CNTN6: variants seen among roughly 807,000 people sequenced by gnomAD.
The protein encoded by CNTN6 is contactin-6.
In CNTN6, 137 loss-of-function variants were observed where a neutral mutation model predicts 122.8. The ratio of observed to expected loss-of-function variants is 1.12; its 90% CI spans 0.97 to 1.29. CNTN6 has a LOEUF of 1.29. CNTN6 is among the 50% of genes most tolerant of loss of function. The pLI, the probability that CNTN6 is intolerant of heterozygous loss-of-function variation, is 0.00. For synonymous variants in CNTN6, 570 were observed against 426.0 expected (o/e 1.34, Z -4.16); for missense variants, 1,634 against 1,223.4 (o/e 1.34, Z -5.01).
Position 1,106,103 on chromosome 3 carries a change from T to C in CNTN6, c.-83+12983T>C, listed in dbSNP as rs2091206640. Among the ~76,000 whole-genome samples, 3 of 152,000 alleles carry C rather than the reference T, an allele frequency of 2.0e-5. No homozygotes were observed. The South Asian group carries it at 6.2e-4, about 32-fold the overall frequency. On this transcript the variant is annotated intron_variant, in intron 1 of 22. Coordinates refer to ENST00000446702, the MANE Select transcript of CNTN6 (RefSeq NM_001289080.2). ...ATCTATATTGTGGGCTCTTCAGGAA[T>C]TTGGTATGTTAGGAAAATTCAGGAC...
chr3:1,284,303 G>T (rs1260207126), intron 5 of CNTN6, among the ~76,000 whole-genome samples: 2 of 151,354 alleles, frequency 1.3e-5, no homozygotes, highest in African/African-American at 2.5e-5. Flanking sequence ...GGAAAATTAT[G>T]TAGAGAAAAA....
intron 1 of CNTN6, among the ~76,000 whole-genome samples, chr3:1,138,846 ATATGT>A (rs761131933): frequency 2.9e-4 from 44 of 152,086 alleles, no homozygotes; most frequent in African/African-American, 9.4e-4. Flanking sequence ...CTATATAATT[ATATGT>A]TATATCTATT....
intron 2 of CNTN6, among the ~76,000 whole-genome samples, chr3:1,181,804 G>A (rs1471742010): frequency 6.6e-6 from 1 of 152,028 alleles, no homozygotes; most frequent in Admixed American, 6.6e-5. Flanking sequence ...GCTCAGTCAG[G>A]CTGATTCTTT....
intron 4 of CNTN6, among the ~76,000 whole-genome samples, chr3:1,266,602 A>G (rs1393636259): frequency 6.6e-6 from 1 of 152,174 alleles, no homozygotes; most frequent in African/African-American, 2.4e-5. Context: ...AAATTTTGCA[A>G]TCTAACTTTC....
Position 1,147,976 on chromosome 3 carries a change from T to C in CNTN6, c.-33T>C. ...TAGACTGTTTTGTTCCACCTGATTG[T>C]ATGGGAGAAATTTTTGACCTTAGAA... is the stretch of plus-strand genomic sequence containing the variant. On this transcript the variant is annotated 5_prime_UTR_variant, in exon 2 of 23. Transcript: ENST00000446702. 6.4e-7 allele frequency: 1 copy of C among 1,561,830 alleles called. No homozygotes were observed. Among genetic ancestry groups the C allele is most frequent in the Non-Finnish European group, 8.8e-7 (1 of 1,134,300 alleles).
At chr3:1,347,972 G>C (rs1035161492) in intron 11 of CNTN6, among the ~76,000 whole-genome samples, 1 of 151,618 alleles carries the variant, frequency 6.6e-6, no homozygotes, top group South Asian at 2.1e-4. Flanking sequence ...TTCTTTCCTT[G>C]TTTATTCCTC....
intron 4 of CNTN6, among the ~76,000 whole-genome samples, chr3:1,254,525 T>C (rs911755457): frequency 2.0e-5 from 3 of 152,176 alleles, no homozygotes; most frequent in East Asian, 3.9e-4. Flanking sequence ...ATTTCACTTA[T>C]TTTTATTGAG....
chr3:1,383,265 G>C, intron 18 of CNTN6, 28 bp from the exon 19 acceptor site: 1 of 1,600,962 alleles, frequency 6.2e-7, no homozygotes, highest in East Asian at 2.2e-5. Context: ...CTCTGCTAAA[G>C]ATGGTTATGT....
At chr3:1,311,337 C>T (rs1421601360) in intron 7 of CNTN6, among the ~76,000 whole-genome samples, 2 of 133,556 alleles carry the variant, frequency 1.5e-5, no homozygotes, top group African/African-American at 2.8e-5. Context: ...CATATATGTA[C>T]ATATAAAATG....
At chr3:1,262,661 A>T (rs1028294149) in intron 4 of CNTN6, among the ~76,000 whole-genome samples, 1 of 152,154 alleles carries the variant, frequency 6.6e-6, no homozygotes, top group Non-Finnish European at 1.5e-5. Flanking sequence ...TTTAGGCCTT[A>T]TGGCATTGTG....
intron 4 of CNTN6, among the ~76,000 whole-genome samples, chr3:1,272,351 G>C (rs563839436): frequency 2.9e-4 from 44 of 152,200 alleles, no homozygotes; most frequent in African/African-American, 1.1e-3. Flanking sequence ...TTCCTCCTTC[G>C]CTAAATGAAA....
At chr3:1,238,411 A>G (rs1026211399) in intron 4 of CNTN6, among the ~76,000 whole-genome samples, 1 of 152,218 alleles carries the variant, frequency 6.6e-6, no homozygotes, top group African/African-American at 2.4e-5. Flanking sequence ...ATATATATGC[A>G]CCTAACACTG....
intron 1 of CNTN6, among the ~76,000 whole-genome samples, chr3:1,118,783 C>A (rs1346302365): frequency 6.6e-6 from 1 of 152,126 alleles, no homozygotes; most frequent in South Asian, 2.1e-4. Context: ...ATAAGCATAG[C>A]TTTTGTATTG....
At chr3:1,258,388 G>A (rs2094793277) in intron 4 of CNTN6, among the ~76,000 whole-genome samples, 1 of 152,068 alleles carries the variant, frequency 6.6e-6, no homozygotes, top group South Asian at 2.1e-4. Context: ...TGCAAAAAGT[G>A]TCAAAGCTTA....
chr3:1,096,717 C>A (rs762319184), intron 1 of CNTN6, among the ~76,000 whole-genome samples: 2 of 152,136 alleles, frequency 1.3e-5, no homozygotes, highest in African/African-American at 2.4e-5. Context: ...TTTGGGCAAT[C>A]TGTATCCTCC....
Position 1,387,092 on chromosome 3 carries a change from G to C in CNTN6, c.2704+1295G>C, listed in dbSNP as rs570026741. Among the ~76,000 whole-genome samples, 3 of 152,006 alleles carry C rather than the reference G, an allele frequency of 2.0e-5. No homozygotes were observed. The South Asian group carries it at 6.2e-4, about 31-fold the overall frequency. ...ATAGGACAAGGCATTCCATTTTTTT[G>C]CTTTCATGTTCTTATCTATTTATTA... On this transcript the variant is annotated intron_variant, in intron 20 of 22. Transcript: ENST00000446702.
chr3:1,375,733 A>C (rs910891546), intron 16 of CNTN6, among the ~76,000 whole-genome samples: 9 of 152,074 alleles, frequency 5.9e-5, no homozygotes, highest in African/African-American at 2.2e-4. Flanking sequence ...TTAGGTTCAC[A>C]TAACTTCTTT....
At chr3:1,306,900 C>A (rs979651521) in intron 7 of CNTN6, among the ~76,000 whole-genome samples, 2 of 152,278 alleles carry the variant, frequency 1.3e-5, no homozygotes, top group Admixed American at 6.5e-5. Context: ...TCTGTTCAAT[C>A]TTTCTAAGAG....
At chr3:1,240,872 T>C (rs1703139) in intron 4 of CNTN6, among the ~76,000 whole-genome samples, 108,667 of 151,744 alleles carry the variant, frequency 0.72, 40,688 homozygotes, top group African/African-American at 0.92. Context: ...AGAGAGTCAG[T>C]GAAGGGAGAT....
Sources: gnomAD v4.1 joint callset for allele counts (sites outside exome capture counted in the v4.1 genomes callset) on GRCh38, gnomAD v4.1.1 for gene constraint, MANE v1.5 for transcripts, NCBI Gene and HGNC (gene_info 2026-07-23, HGNC 2026-07-21) for gene names.